Variants in FREM1 observed in about 807,000 individuals in gnomAD.
The protein encoded by FREM1 is FRAS1-related extracellular matrix protein 1.
Under a neutral mutation model 210.1 loss-of-function variants are expected in FREM1, and 220 were observed. That is an observed-to-expected ratio of 1.05 (90% confidence interval 0.94 to 1.17). The LOEUF (loss-of-function observed/expected upper bound fraction) is 1.17. Among genes scored for constraint, FREM1 ranks in the 50% most tolerant of loss-of-function variants. FREM1 has a pLI of 0.00. For missense variants in FREM1, 3,454 were observed against 2,675.5 expected, an observed-to-expected ratio of 1.29 and a Z score of -6.42; for synonymous variants, 1,189 against 980.2, an observed-to-expected ratio of 1.21 and a Z score of -3.98.
chr9:14,895,545 G>C (rs1023056594), intron 1 of FREM1, among the ~76,000 whole-genome samples: 1 of 152,026 alleles, frequency 6.6e-6, no homozygotes, highest in Non-Finnish European at 1.5e-5. Context: ...CTCCATATCT[G>C]CTTGGTTCCA....
intron 27 of FREM1, among the ~76,000 whole-genome samples, chr9:14,766,774 T>A (rs1846493886): frequency 6.6e-6 from 1 of 152,184 alleles, no homozygotes; most frequent in Non-Finnish European, 1.5e-5. Context: ...ATGGGGAATA[T>A]GAATCTATTA....
chr9:14,753,471 C>A (rs1843733474), intron 29 of FREM1, among the ~76,000 whole-genome samples: 1 of 152,118 alleles, frequency 6.6e-6, no homozygotes, highest in South Asian at 2.1e-4. Flanking sequence ...GTCACAATAG[C>A]TGAATGCAAA....
In FREM1 at chr9:14,763,705, C is replaced by T. The variant is rs547138226; in HGVS notation, c.5205-3804G>A. On this transcript the variant is annotated intron_variant, in intron 27 of 36. Transcript: ENST00000380880. ...CCCAATTTAAAATCACAATGTCTTT[C>T]CCAAACACAGCACTTGCTGATCCCC... Among the ~76,000 whole-genome samples, 46 of 152,270 alleles carry T rather than the reference C, an allele frequency of 3.0e-4. No individual in the cohort carries two copies. The South Asian group carries it at 9.6e-3, about 32-fold the overall frequency.
chr9:14,875,503 C>T (rs931351565), intron 1 of FREM1, among the ~76,000 whole-genome samples: 1 of 152,186 alleles, frequency 6.6e-6, no homozygotes, highest in African/African-American at 2.4e-5. Flanking sequence ...ACGTAGTTCT[C>T]GAGCCTTGGC....
Position 14,869,143 on chromosome 9 carries a change from C to T in FREM1, c.-166G>A, listed in dbSNP as rs375737268. 2.0e-5 allele frequency: 11 copies of T among 551,138 alleles called. No individual in the cohort carries two copies. The highest frequency in any genetic ancestry group is 6.1e-5 in the Admixed American group (2 of 33,022). 34.1% of individuals were successfully genotyped at this position (551,138 alleles called of 1,614,324 possible). On this transcript the variant is annotated 5_prime_UTR_variant, in exon 2 of 37. Transcript: ENST00000380880. ...ATGCCCCTTTCATTTCAAAGTCAGA[C>T]AAGGGGGCCTTTCAGGCAATCCCAG...
At chr9:14,846,436 G>A (rs1213345913) in intron 7 of FREM1, among the ~76,000 whole-genome samples, 1 of 152,088 alleles carries the variant, frequency 6.6e-6, no homozygotes, top group African/African-American at 2.4e-5. Context: ...TAGATGACAG[G>A]TTGATAGATG....
intron 1 of FREM1, among the ~76,000 whole-genome samples, chr9:14,883,434 T>A (rs1253171457): frequency 3.3e-5 from 5 of 152,220 alleles, no homozygotes; most frequent in African/African-American, 1.2e-4. Flanking sequence ...ATTTTTCTCT[T>A]GGTGTTGGGA....
intron 25 of FREM1, among the ~76,000 whole-genome samples, chr9:14,773,685 C>G (rs1848014790): frequency 6.6e-6 from 1 of 151,390 alleles, no homozygotes; most frequent in African/African-American, 2.4e-5. Context: ...CAACATTTTC[C>G]TATCAGTAAA....
chr9:14,778,669 AGGGAGGGGAGGG>A (rs1849073965), intron 24 of FREM1, among the ~76,000 whole-genome samples: 1 of 24,788 alleles, frequency 4.0e-5, no homozygotes, highest in Admixed American at 5.7e-4. Context: ...GAGGGAGGGG[AGGGAGGGGAGGG>A]AGGGAAGGGA....
At chr9:14,870,934 T>C (rs572522927) in intron 1 of FREM1, among the ~76,000 whole-genome samples, 6,315 of 151,836 alleles carry the variant, frequency 0.042, 415 homozygotes, top group African/African-American at 0.14. Context: ...GATAGTTTAC[T>C]GAGAATGATG....
intron 1 of FREM1, among the ~76,000 whole-genome samples, chr9:14,896,993 A>G (rs539995077): frequency 1.3e-5 from 2 of 152,314 alleles, no homozygotes; most frequent in South Asian, 4.1e-4. Flanking sequence ...AACCACCATG[A>G]ATATTTTTGT....
intron 14 of FREM1, among the ~76,000 whole-genome samples, chr9:14,818,798 G>A (rs1018026941): frequency 1.6e-4 from 25 of 152,098 alleles, no homozygotes; most frequent in African/African-American, 5.6e-4. Context: ...AACGGAATAA[G>A]GTTACATTAA....
At chr9:14,765,951 T>G (rs1043599183) in intron 27 of FREM1, among the ~76,000 whole-genome samples, 4 of 152,204 alleles carry the variant, frequency 2.6e-5, no homozygotes, top group African/African-American at 9.6e-5. Context: ...AAAGTGCTTT[T>G]CATGAATGAT....
chr9:14,840,806 A>T (rs1348032072), intron 10 of FREM1, among the ~76,000 whole-genome samples: 1 of 151,846 alleles, frequency 6.6e-6, no homozygotes, highest in East Asian at 1.9e-4. Context: ...CACTACCCTG[A>T]CTCCACTTTC....
chr9:14,774,517 CTCT>C (rs1563893134), intron 25 of FREM1, among the ~76,000 whole-genome samples: 19 of 12,178 alleles, frequency 1.6e-3, no homozygotes, highest in Non-Finnish European at 3.4e-3. Flanking sequence ...ATAAATCTCT[CTCT>C]CTCTCTCTCT....
At chr9:14,821,358 CT>C (rs34447386) in intron 13 of FREM1, among the ~76,000 whole-genome samples, 121,029 of 152,100 alleles carry the variant, frequency 0.8, 48,248 homozygotes, top group East Asian at 0.93. Flanking sequence ...GTGAAATTAA[CT>C]TTTTTCCTTT....
At chr9:14,870,641 T>G (rs566190198) in intron 1 of FREM1, among the ~76,000 whole-genome samples, 2 of 152,206 alleles carry the variant, frequency 1.3e-5, no homozygotes, top group South Asian at 2.1e-4. Context: ...TGGTTTCTTT[T>G]TTTTATTTTA....
rs1445994635 is a variant in FREM1, at chr9:14,800,353, T to C, written c.3694+1299A>G. Among the ~76,000 whole-genome samples the C allele has an allele frequency of 2.0e-5, 3 of 152,158 alleles. No individual in the cohort carries two copies. The East Asian group carries it at 5.8e-4, about 29-fold the overall frequency. ...AAAGAAAACACCTAAGGAAGGAGAA[T>C]GGGAGGAAGCAGTAATTCAGGAACC... is the stretch of plus-strand genomic sequence containing the variant. On this transcript the variant is annotated intron_variant, in intron 20 of 36. Coordinates refer to ENST00000380880, the MANE Select transcript of FREM1 (RefSeq NM_001379081.2).
At chr9:14,767,684 TG>T (rs1280695973) in intron 27 of FREM1, among the ~76,000 whole-genome samples, 1 of 152,130 alleles carries the variant, frequency 6.6e-6, no homozygotes, top group Non-Finnish European at 1.5e-5. Flanking sequence ...ACTGGAAAAT[TG>T]TGCACCTAGT....
Sources: gnomAD v4.1 joint callset for allele counts (sites outside exome capture counted in the v4.1 genomes callset) on GRCh38, gnomAD v4.1.1 for gene constraint, MANE v1.5 for transcripts, NCBI Gene and HGNC (gene_info 2026-07-23, HGNC 2026-07-21) for gene names.